ME3: variants seen among roughly 807,000 people sequenced by gnomAD.
The protein encoded by ME3 is malic enzyme 3, also known as NADP-dependent malic enzyme, mitochondrial.
A neutral mutation model predicts 68.9 loss-of-function variants in ME3; 48 were observed. The ratio of observed to expected loss-of-function variants is 0.70; its 90% CI spans 0.55 to 0.89. The LOEUF is 0.89. Ranked by LOEUF, ME3 falls within the 40% of genes least tolerant of loss-of-function variation. ME3 has a pLI of 0.00. For synonymous variants in ME3, 320 were observed against 318.8 expected, an observed-to-expected ratio of 1.00 and a Z score of -0.04; for missense variants, 675 against 797.4, an observed-to-expected ratio of 0.85 and a Z score of 1.85.
At chr11:86,438,844 T>C (rs1275238495), downstream of ME3, among the ~76,000 whole-genome samples, 2 of 151,548 alleles carry the variant, frequency 1.3e-5, no homozygotes, top group East Asian at 3.9e-4. Flanking sequence ...AATAAGATCT[T>C]TCTCTCTCTC....
intron 2 of ME3, among the ~76,000 whole-genome samples, chr11:86,587,855 C>G (rs1037927248): frequency 6.6e-6 from 1 of 152,154 alleles, no homozygotes; most frequent in Non-Finnish European, 1.5e-5. Flanking sequence ...TTCTGTTCCA[C>G]TGCCAAAAAT....
chr11:86,596,757 A>G (rs1959537840), intron 2 of ME3, among the ~76,000 whole-genome samples: 1 of 152,238 alleles, frequency 6.6e-6, no homozygotes, highest in South Asian at 2.1e-4. Context: ...AGAAGTTGCA[A>G]GGGTTAGACT....
chr11:86,664,880 C>A, intron 2 of ME3, among the ~76,000 whole-genome samples: 1 of 152,216 alleles, frequency 6.6e-6, no homozygotes, highest in South Asian at 2.1e-4. Flanking sequence ...TGGAGATAAA[C>A]AGTTAATATC....
chr11:86,610,995 A>G lies in ME3; in HGVS notation c.184-51172T>C, dbSNP rs117861641. Among the ~76,000 whole-genome samples, 37 of 152,280 alleles carry G rather than the reference A, an allele frequency of 2.4e-4. 1 individual carries two copies. The East Asian group carries it at 6.6e-3, about 27-fold the overall frequency. On this transcript the variant is annotated intron_variant, in intron 2 of 14. Coordinates refer to ENST00000543262, the Ensembl canonical transcript of ME3. ...AAACTCCAGATATCACTTCAAGCCA[A>G]CCTGACTTCCTAGACAGCGTTCTGA...
rs59679326 is a variant in ME3, at chr11:86,472,494, G to T, written c.810-7294C>A. Reference sequence around the variant, plus strand: ...TATTAATATAAGGCAGTGCAGACATGTAGGCAGAGAAGAAGCTGGGTAAAA... The same window carrying T: ...TATTAATATAAGGCAGTGCAGACATTTAGGCAGAGAAGAAGCTGGGTAAAA... On this transcript the variant is annotated intron_variant, in intron 7 of 14. Transcript: ENST00000543262. Among the ~76,000 whole-genome samples the T allele has an allele frequency of 3.5e-3, 529 of 152,308 alleles. 3 individuals are homozygous for T. The highest frequency in any genetic ancestry group is 0.012 in the African/African-American group (498 of 41,546).
chr11:86,509,694 A>G (rs141808664), intron 4 of ME3, among the ~76,000 whole-genome samples: 170 of 151,878 alleles, frequency 1.1e-3, no homozygotes, highest in African/African-American at 4.0e-3. Context: ...GGAAAGGATA[A>G]ACTCCCCAAT....
intron 2 of ME3, among the ~76,000 whole-genome samples, chr11:86,623,492 G>T (rs1342937289): frequency 7.0e-6 from 1 of 143,492 alleles, no homozygotes; most frequent in Non-Finnish European, 1.5e-5. Context: ...TATATGTCCT[G>T]TTGGTTTTGT....
intron 2 of ME3, among the ~76,000 whole-genome samples, chr11:86,654,290 C>A (rs1945696464): frequency 1.3e-5 from 2 of 152,058 alleles, no homozygotes; most frequent in Non-Finnish European, 2.9e-5. Context: ...AGAGACACAA[C>A]CAAAAAAGAG....
intron 4 of ME3, among the ~76,000 whole-genome samples, chr11:86,523,856 T>C (rs1158700477): frequency 1.3e-5 from 2 of 152,138 alleles, no homozygotes; most frequent in East Asian, 1.9e-4. Flanking sequence ...TCTGTCCAAA[T>C]AGAATATCAC....
chr11:86,637,181 TCTCCATTAA>T (rs907980383), intron 2 of ME3, among the ~76,000 whole-genome samples: 1 of 151,252 alleles, frequency 6.6e-6, no homozygotes, highest in African/African-American at 2.4e-5. Flanking sequence ...ATTCAGGGAG[TCTCCATTAA>T]CTCATTCAGT....
chr11:86,524,884 A>G (rs1471428905), intron 4 of ME3, among the ~76,000 whole-genome samples: 1 of 152,234 alleles, frequency 6.6e-6, no homozygotes, highest in South Asian at 2.1e-4. Flanking sequence ...CACACATTTG[A>G]TCTAATGTGT....
chr11:86,659,905 T>A (rs1384279634), intron 2 of ME3, among the ~76,000 whole-genome samples: 2 of 151,902 alleles, frequency 1.3e-5, no homozygotes, highest in African/African-American at 4.8e-5. Flanking sequence ...TTTGGCTGGA[T>A]CTATTTTTTT....
intron 2 of ME3, among the ~76,000 whole-genome samples, chr11:86,572,370 A>T (rs1041415404): frequency 6.6e-6 from 1 of 152,000 alleles, no homozygotes; most frequent in African/African-American, 2.4e-5. Context: ...GCACCTATCA[A>T]CCCATCATCT....
intron 10 of ME3, 30 bp downstream of exon 10, chr11:86,449,859 G>T (rs1565793171): frequency 6.4e-7 from 1 of 1,558,822 alleles, no homozygotes; most frequent in Middle Eastern, 1.7e-4. Context: ...AAGGTGTCAG[G>T]AAACCTCCAG....
At chr11:86,445,432 T>C (rs571634064) in intron 13 of ME3, among the ~76,000 whole-genome samples, 48 of 152,360 alleles carry the variant, frequency 3.2e-4, no homozygotes, top group African/African-American at 1.1e-3. Context: ...TACCCATGTC[T>C]CATTGGTTTC....
chr11:86,560,345 C>G (rs534929302), intron 2 of ME3, among the ~76,000 whole-genome samples: 1 of 152,206 alleles, frequency 6.6e-6, no homozygotes, highest in South Asian at 2.1e-4. Context: ...TGCCTGCTTC[C>G]CCTTCACCTT....
chr11:86,502,636 G>A (rs1319192054), intron 5 of ME3, among the ~76,000 whole-genome samples: 1 of 152,202 alleles, frequency 6.6e-6, no homozygotes, highest in Admixed American at 6.5e-5. Context: ...TTGTCAAAAG[G>A]CTGAGGGCAA....
At chr11:86,566,696 C>T (rs931679410) in intron 2 of ME3, among the ~76,000 whole-genome samples, 30 of 152,144 alleles carry the variant, frequency 2.0e-4, no homozygotes, top group African/African-American at 6.5e-4. Context: ...TGAAGTTCCA[C>T]GGCTGTTACT....
chr11:86,555,009 T>TC (rs1459318896), intron 4 of ME3, among the ~76,000 whole-genome samples: 1 of 152,078 alleles, frequency 6.6e-6, no homozygotes, highest in Non-Finnish European at 1.5e-5. Context: ...GGGGGAGGGC[T>TC]CCGTGGAGAA....
Sources: allele counts gnomAD v4.1 joint callset (sites outside exome capture counted in the v4.1 genomes callset), GRCh38; gene constraint gnomAD v4.1.1; transcripts MANE v1.5; gene names NCBI Gene and HGNC (gene_info 2026-07-23, HGNC 2026-07-21).